TXLNB: variants seen among roughly 807,000 people sequenced by gnomAD.
TXLNB encodes beta-taxilin.
Under a neutral mutation model 57.4 loss-of-function variants are expected in TXLNB, and 37 were observed. The observed-to-expected ratio is 0.64, with a 90% CI of 0.50 to 0.85. The LOEUF (loss-of-function observed/expected upper bound fraction) is 0.85, where lower values mean the gene tolerates loss of function less well. TXLNB is among the 40% of genes least tolerant of loss of function. The pLI, the probability that TXLNB is intolerant of heterozygous loss-of-function variation, is 0.00. For missense variants in TXLNB, 848 were observed against 825.6 expected (o/e 1.03, Z -0.33); for synonymous variants, 302 against 309.6 (o/e 0.98, Z 0.26).
intron 1 of TXLNB, among the ~76,000 whole-genome samples, chr6:139,291,572 G>T (rs1236574416): frequency 6.6e-6 from 1 of 152,098 alleles, no homozygotes; most frequent in African/African-American, 2.4e-5. Flanking sequence ...CCCAAAAGTA[G>T]CCTCAAGACA....
intron 4 of TXLNB, among the ~76,000 whole-genome samples, chr6:139,268,710 A>C (rs1776678507): frequency 6.6e-6 from 1 of 152,216 alleles, no homozygotes; most frequent in Non-Finnish European, 1.5e-5. Flanking sequence ...TAAATGAAAT[A>C]ATGTATATAA....
At position 139,242,580 on chromosome 6, in the gene TXLNB, T is replaced by G; in HGVS notation, c.2001A>C (p.Ser667=). Residue 667 remains serine (S), a synonymous_variant, in exon 10 of 10, where the codon TCA becomes TCC. Coordinates refer to ENST00000358430, the MANE Select transcript of TXLNB (RefSeq NM_153235.4). ...CCACGTTGCGCGGCTGGGGCCCAGC[T>G]GAGGCCCCTACTGGCAGCTCCTCTG... ...AAAEELPVGA[S]AGPQPRNVAD... The G allele has an allele frequency of 6.5e-7, 1 of 1,533,610 alleles. No homozygotes were observed. Among genetic ancestry groups the G allele is most frequent in the Non-Finnish European group, 8.7e-7 (1 of 1,144,072 alleles).
At chr6:139,163,761 C>T in the TXLNB span, among the ~76,000 whole-genome samples, 1 of 152,128 alleles carries the variant, frequency 6.6e-6, no homozygotes, top group Non-Finnish European at 1.5e-5. Context: ...TGGTTCCAGT[C>T]CTTGCATCCC....
the TXLNB span, among the ~76,000 whole-genome samples, chr6:139,218,551 G>A: frequency 1.1e-4 from 17 of 152,152 alleles, no homozygotes; most frequent in South Asian, 2.1e-4. Context: ...TCAGGAGTTC[G>A]AGACCAGCCT....
chr6:139,272,240 G>C (rs1414658188), intron 3 of TXLNB, among the ~76,000 whole-genome samples: 1 of 152,176 alleles, frequency 6.6e-6, no homozygotes, highest in Non-Finnish European at 1.5e-5. Context: ...CAGGGAGATG[G>C]AGGTTGCAGT....
chr6:139,163,526 G>T, the TXLNB span, among the ~76,000 whole-genome samples: 1 of 151,892 alleles, frequency 6.6e-6, no homozygotes, highest in South Asian at 2.1e-4. Context: ...GCTAATTTTT[G>T]TATTTTTAGT....
chr6:139,245,496 G>A (rs1027763064), intron 8 of TXLNB: 1 of 152,098 alleles, frequency 6.6e-6, no homozygotes, highest in African/African-American at 2.4e-5. Context: ...AGTGGAGAAC[G>A]AGGCATGTAC....
chr6:139,162,917 T>C, the TXLNB span, among the ~76,000 whole-genome samples: 1 of 152,160 alleles, frequency 6.6e-6, no homozygotes, highest in Admixed American at 6.5e-5. Context: ...CAGCCTCTGC[T>C]GTCTTCTGTA....
the TXLNB span, among the ~76,000 whole-genome samples, chr6:139,315,064 G>A: frequency 6.6e-6 from 1 of 152,080 alleles, no homozygotes; most frequent in South Asian, 2.1e-4. Context: ...CAGTGCCTGA[G>A]ATATTTTGCA....
the TXLNB span, among the ~76,000 whole-genome samples, chr6:139,172,912 CTT>C: frequency 1.3e-3 from 204 of 152,294 alleles, 3 homozygotes; most frequent in East Asian, 0.035. Context: ...TCGGTTAACT[CTT>C]AGTAAAAGTT....
At chr6:139,161,285 T>G in the TXLNB span, among the ~76,000 whole-genome samples, 2 of 152,112 alleles carry the variant, frequency 1.3e-5, no homozygotes, top group Non-Finnish European at 2.9e-5. Flanking sequence ...CTGGGTGTAT[T>G]TAACATGCTC....
At chr6:139,295,586 G>A (rs571687458), upstream of TXLNB, among the ~76,000 whole-genome samples, 2 of 151,048 alleles carry the variant, frequency 1.3e-5, no homozygotes, top group Non-Finnish European at 3.0e-5. Context: ...TTTTGGGGGG[G>A]GGATTTACTT....
chr6:139,242,980 G>C lies in TXLNB; in HGVS notation c.1601C>G (p.Ala534Gly), dbSNP rs61754935. The C allele has an allele frequency of 6.0e-3, 9,610 of 1,614,140 alleles. 291 individuals carry two copies. The African/African-American group carries it at 0.08, about 13-fold the overall frequency. The change falls in exon 10 of 10, where the codon GCT (alanine) becomes GGT (glycine). Residue 534 changes from alanine (A) to glycine (G), a missense_variant. Physicochemically the swap from Ala to Gly is moderately conservative, Grantham distance 60 (BLOSUM62 0). Transcript: ENST00000358430. ...QPEIGSSQESADAALKEPEQP... is the reference protein window; with the variant it reads ...QPEIGSSQESGDAALKEPEQP... ...CTCTGGCTCCTTGAGAGCGGCGTCAGCACTCTCCTGAGAACTGCCTATTTC... is the reference window on the plus strand; with the variant it reads ...CTCTGGCTCCTTGAGAGCGGCGTCACCACTCTCCTGAGAACTGCCTATTTC...
chr6:139,201,698 A>G, the TXLNB span: 1 of 152,172 alleles, frequency 6.6e-6, no homozygotes, highest in Non-Finnish European at 1.5e-5. Flanking sequence ...TGTATCAGAG[A>G]TTCTCTCAGC....
chr6:139,285,833 C>A lies in TXLNB; in HGVS notation c.424+2643G>T, dbSNP rs572830330. ...CCTCAGGCCACGGACTGGTACCAGT[C>A]ATTGTGGGCTGCATAATGGGAAATC... On this transcript the variant is annotated intron_variant, in intron 2 of 9. Coordinates refer to ENST00000358430, the MANE Select transcript of TXLNB (RefSeq NM_153235.4). Among the ~76,000 whole-genome samples, 127 of 145,480 alleles carry A rather than the reference C, an allele frequency of 8.7e-4. 15 individuals are homozygous for A. The highest frequency in any genetic ancestry group is 3.1e-3 in the African/African-American group (121 of 39,586).
the TXLNB span, among the ~76,000 whole-genome samples, chr6:139,196,934 TC>T: frequency 6.6e-6 from 1 of 152,192 alleles, no homozygotes; most frequent in African/African-American, 2.4e-5. Context: ...CCAGAATAAT[TC>T]CCTTATTTTA....
Position 139,270,562 on chromosome 6 carries a change from T to G in TXLNB, c.581A>C (p.Gln194Pro). 6.2e-7 allele frequency: 1 copy of G among 1,614,196 alleles called. No individual in the cohort carries two copies. The highest frequency in any genetic ancestry group is 8.5e-7 in the Non-Finnish European group (1 of 1,180,002). Reference protein sequence around the residue: ...KLLQKKQVQIQKEKDQLQGEH... With the variant: ...KLLQKKQVQIPKEKDQLQGEH... Reference sequence around the variant, plus strand: ...ACCTTGTAACTGGTCCTTTTCTTTTTGAATTTGTACCTGTTTCTTTTGGAG... The same window carrying G: ...ACCTTGTAACTGGTCCTTTTCTTTTGGAATTTGTACCTGTTTCTTTTGGAG... The change falls in exon 4 of 10, where the codon CAA becomes CCA. Residue 194 changes from glutamine to proline, a missense_variant. Physicochemically the swap from Gln to Pro is moderately conservative, Grantham distance 76. Coordinates refer to ENST00000358430, the MANE Select transcript of TXLNB (RefSeq NM_153235.4).
chr6:139,295,135 C>T (rs1183088157), upstream of TXLNB, among the ~76,000 whole-genome samples: 2 of 152,280 alleles, frequency 1.3e-5, no homozygotes, highest in Non-Finnish European at 2.9e-5. Context: ...TAGATACACA[C>T]ATGATAGTGG....
chr6:139,272,808 C>T (rs897501528), intron 3 of TXLNB, among the ~76,000 whole-genome samples: 3 of 152,062 alleles, frequency 2.0e-5, no homozygotes, highest in Admixed American at 6.6e-5. Flanking sequence ...CTGAGGCAGG[C>T]GGATCACCTG....
Sources: allele counts gnomAD v4.1 joint callset (sites outside exome capture counted in the v4.1 genomes callset), GRCh38; gene constraint gnomAD v4.1.1; transcripts MANE v1.5; gene names NCBI Gene and HGNC (gene_info 2026-07-23, HGNC 2026-07-21).